Variants in FAR2 observed in about 807,000 individuals in gnomAD.
The protein encoded by FAR2 is fatty acyl-CoA reductase 2, also known as epididymis secretory protein Li 81.
A neutral mutation model predicts 56.0 loss-of-function variants in FAR2; 19 were observed. The observed-to-expected ratio is 0.34, with a 90% CI of 0.24 to 0.50. The LOEUF (loss-of-function observed/expected upper bound fraction) is 0.50. Ranked by LOEUF, FAR2 falls within the 20% of genes least tolerant of loss-of-function variation. The probability of loss-of-function intolerance (pLI) is 0.98; values close to 1 mark genes in which losing one functional copy is unlikely to be tolerated. For missense variants in FAR2, 508 were observed against 642.2 expected, an observed-to-expected ratio of 0.79 and a Z score of 2.26; for synonymous variants, 219 against 218.8, an observed-to-expected ratio of 1.00 and a Z score of -0.01.
chr12:29,170,650 T>G (rs945257047), intron 1 of FAR2, among the ~76,000 whole-genome samples: 5 of 152,126 alleles, frequency 3.3e-5, no homozygotes, highest in African/African-American at 1.2e-4. Context: ...TCTCTTTCTC[T>G]CTCTCTCTGA....
At chr12:29,171,775 C>G (rs1229306334) in intron 1 of FAR2, 2 of 152,826 alleles carry the variant, frequency 1.3e-5, no homozygotes, top group South Asian at 4.1e-4. Flanking sequence ...TGCCCACTGT[C>G]TGGGAACTGA....
At chr12:29,149,865 G>C (rs1031915772) in intron 1 of FAR2, among the ~76,000 whole-genome samples, 1 of 152,134 alleles carries the variant, frequency 6.6e-6, no homozygotes, top group Admixed American at 6.5e-5. Context: ...AAACGGCAGC[G>C]GTCCTAGGTC....
At chr12:29,278,869 C>T (rs80237092) in intron 2 of FAR2, among the ~76,000 whole-genome samples, 4,831 of 152,226 alleles carry the variant, frequency 0.032, 104 homozygotes, top group East Asian at 0.072. Context: ...CTCCTAAGCA[C>T]TCAGGAATTC....
intron 9 of FAR2, chr12:29,317,578 G>A (rs1348546148): frequency 1.3e-5 from 2 of 152,562 alleles, no homozygotes; most frequent in Non-Finnish European, 1.5e-5. Flanking sequence ...GAAGGTAAAT[G>A]TTAAAGAGGT....
At chr12:29,277,721 G>A (rs1591920943) in intron 2 of FAR2, 1 of 152,146 alleles carries the variant, frequency 6.6e-6, no homozygotes, top group Non-Finnish European at 1.5e-5. Flanking sequence ...AAATGCAGGA[G>A]GGCATTTCTT....
chr12:29,257,858 A>G (rs1948351741), intron 1 of FAR2, among the ~76,000 whole-genome samples: 2 of 152,212 alleles, frequency 1.3e-5, no homozygotes, highest in African/African-American at 4.8e-5. Context: ...TCTTGAAGTC[A>G]GTGAGACCAA....
At chr12:29,185,902 G>C (rs1474197078) in intron 1 of FAR2, among the ~76,000 whole-genome samples, 1 of 152,046 alleles carries the variant, frequency 6.6e-6, no homozygotes, top group Non-Finnish European at 1.5e-5. Context: ...CTGCCCCATA[G>C]ACAGAAGGAA....
chr12:29,190,314 T>G (rs1950091109), intron 1 of FAR2, among the ~76,000 whole-genome samples: 4 of 45,212 alleles, frequency 8.8e-5, no homozygotes, highest in South Asian at 1.3e-3. Context: ...AAGGCAAGAG[T>G]GATGACAGAA....
At chr12:29,227,027 G>A (rs996782585) in intron 1 of FAR2, among the ~76,000 whole-genome samples, 11 of 152,110 alleles carry the variant, frequency 7.2e-5, no homozygotes, top group African/African-American at 4.8e-5. Context: ...AAAATAATGG[G>A]ATTAGAAAAT....
At chr12:29,268,225 C>T (rs940674212) in intron 1 of FAR2, among the ~76,000 whole-genome samples, 64 of 152,148 alleles carry the variant, frequency 4.2e-4, no homozygotes, top group African/African-American at 1.4e-3. Context: ...AGGGCCAGTC[C>T]CTGGAGCTGT....
chr12:29,297,771 G>C (rs7968167), intron 4 of FAR2, among the ~76,000 whole-genome samples: 82,730 of 152,068 alleles, frequency 0.54, 22,979 homozygotes, highest in East Asian at 0.65. Context: ...AGAGGCTGGG[G>C]GTGGTGGCTC....
chr12:29,312,974 T>C (rs1440766469), intron 8 of FAR2, among the ~76,000 whole-genome samples: 4 of 152,164 alleles, frequency 2.6e-5, no homozygotes, highest in African/African-American at 7.2e-5. Context: ...CTTACACCTA[T>C]AGCAAACATT....
chr12:29,286,204 T>C (rs1434056793), intron 2 of FAR2, among the ~76,000 whole-genome samples: 3 of 152,126 alleles, frequency 2.0e-5, no homozygotes, highest in Non-Finnish European at 2.9e-5. Flanking sequence ...GTGGGCACTA[T>C]GACAAACATC....
chr12:29,206,748 C>T (rs749429605), intron 1 of FAR2, among the ~76,000 whole-genome samples: 51 of 152,038 alleles, frequency 3.4e-4, no homozygotes, highest in Non-Finnish European at 5.6e-4. Context: ...TGTTTACTTG[C>T]CAAAGGACTG....
At chr12:29,197,681 T>A (rs1950154545) in intron 1 of FAR2, among the ~76,000 whole-genome samples, 1 of 152,226 alleles carries the variant, frequency 6.6e-6, no homozygotes, top group South Asian at 2.1e-4. Context: ...ATTTTTTAAA[T>A]ATCTATAATT....
intron 1 of FAR2, among the ~76,000 whole-genome samples, chr12:29,209,139 C>T (rs1947513189): frequency 6.6e-6 from 1 of 151,562 alleles, no homozygotes; most frequent in South Asian, 2.1e-4. Flanking sequence ...CGGGGAATTT[C>T]ACTGGAAGAG....
At chr12:29,219,686 A>G (rs553275407) in intron 1 of FAR2, among the ~76,000 whole-genome samples, 1 of 152,300 alleles carries the variant, frequency 6.6e-6, no homozygotes, top group African/African-American at 2.4e-5. Context: ...TTAAAAACTG[A>G]AACTGGCTTG....
At chr12:29,157,069 C>G (rs564881357) in intron 1 of FAR2, 3 of 141,652 alleles carry the variant, frequency 2.1e-5, no homozygotes, top group South Asian at 4.5e-4. Flanking sequence ...GACATTTTCC[C>G]ACTTTAATCA....
In FAR2 at chr12:29,240,139, A is replaced by T. The variant is rs192752658; in HGVS notation, c.-38-30273A>T. Among the ~76,000 whole-genome samples, 162 of 152,366 alleles carry T rather than the reference A, an allele frequency of 1.1e-3. 2 individuals carry two copies. The highest frequency in any genetic ancestry group is 2.1e-4 in the Non-Finnish European group (14 of 68,030). On this transcript the variant is annotated intron_variant, in intron 1 of 11. Coordinates refer to ENST00000536681, the MANE Select transcript of FAR2 (RefSeq NM_001271783.2). ...CCAGCTGTCGACAGCGTGGCTCATAAGATTCACTTACCACTGTTTATACAA... is the reference window on the plus strand; with the variant it reads ...CCAGCTGTCGACAGCGTGGCTCATATGATTCACTTACCACTGTTTATACAA...
Sources: allele counts gnomAD v4.1 joint callset (sites outside exome capture counted in the v4.1 genomes callset), GRCh38; gene constraint gnomAD v4.1.1; transcripts MANE v1.5; gene names NCBI Gene and HGNC (gene_info 2026-07-23, HGNC 2026-07-21).